The following CTDP1 variants were observed in gnomAD, a reference collection of about 807,000 sequenced individuals.
CTDP1 encodes CTD phosphatase 1, also known as RNA polymerase II subunit A C-terminal domain phosphatase.
CTDP1 carries 47 observed loss-of-function variants against 91.8 expected under a neutral mutation model. The ratio of observed to expected loss-of-function variants is 0.51; its 90% CI spans 0.41 to 0.65. The LOEUF (loss-of-function observed/expected upper bound fraction) is 0.65. Among genes scored for constraint, CTDP1 ranks in the 30% least tolerant of loss-of-function variants. The pLI is 0.00. For missense variants in CTDP1, 1,272 were observed against 1,373.7 expected (o/e 0.93, Z 1.17); for synonymous variants, 656 against 598.5 (o/e 1.10, Z -1.40).
At chr18:79,733,200 A>T (rs975830960) in intron 11 of CTDP1, among the ~76,000 whole-genome samples, 13 of 150,100 alleles carry the variant, frequency 8.7e-5, no homozygotes, top group African/African-American at 3.2e-4. Flanking sequence ...TCGTGTGTGG[A>T]TCCTCACGCT....
At chr18:79,692,233 G>A (rs1293056540) in intron 1 of CTDP1, among the ~76,000 whole-genome samples, 1 of 152,058 alleles carries the variant, frequency 6.6e-6, no homozygotes, top group African/African-American at 2.4e-5. Context: ...GCGTTTGTCA[G>A]CCGTTGATCC....
chr18:79,733,125 A>G (rs552560633), intron 11 of CTDP1, among the ~76,000 whole-genome samples: 2 of 152,280 alleles, frequency 1.3e-5, no homozygotes, highest in East Asian at 3.9e-4. Context: ...TCAGCACAGG[A>G]CGAATGTGTG....
chr18:79,745,003 C>T (rs1665922995), intron 12 of CTDP1, among the ~76,000 whole-genome samples: 1 of 152,190 alleles, frequency 6.6e-6, no homozygotes, highest in South Asian at 2.1e-4. Flanking sequence ...GCCCCATGTC[C>T]ATGGCCAGCT....
intron 10 of CTDP1, among the ~76,000 whole-genome samples, chr18:79,719,470 G>A (rs2086289487): frequency 6.6e-6 from 1 of 152,182 alleles, no homozygotes; most frequent in Non-Finnish European, 1.5e-5. Flanking sequence ...CCCAGCCACA[G>A]AGATGATGTC....
At chr18:79,728,718 G>A (rs542820291) in intron 10 of CTDP1, among the ~76,000 whole-genome samples, 189 bp from the exon 11 acceptor site, 1 of 152,348 alleles carries the variant, frequency 6.6e-6, no homozygotes, top group Admixed American at 6.5e-5. Flanking sequence ...AGTCACCCTG[G>A]CTCAGTTAGC....
chr18:79,688,733 C>T (rs551202654), intron 1 of CTDP1, among the ~76,000 whole-genome samples: 7 of 149,378 alleles, frequency 4.7e-5, no homozygotes, highest in Admixed American at 3.3e-4. Flanking sequence ...TTAGTAGAGA[C>T]GATTTCACCA....
At chr18:79,681,985 G>C (rs567369173) in intron 1 of CTDP1, among the ~76,000 whole-genome samples, 2 of 152,176 alleles carry the variant, frequency 1.3e-5, no homozygotes, top group Non-Finnish European at 2.9e-5. Context: ...GTTCCTGCCC[G>C]TGCAGTGGGC....
intron 8 of CTDP1, among the ~76,000 whole-genome samples, chr18:79,715,819 C>T (rs938771669): frequency 4.6e-5 from 7 of 152,174 alleles, no homozygotes; most frequent in Non-Finnish European, 7.3e-5. Context: ...AACAGGGAAT[C>T]AGCGATAGGG....
At chr18:79,676,984 G>A (rs947913476), upstream of CTDP1, among the ~76,000 whole-genome samples, 1 of 152,220 alleles carries the variant, frequency 6.6e-6, no homozygotes, top group African/African-American at 2.4e-5. Context: ...ATCACCTAGG[G>A]ATGTCTACAT....
intron 1 of CTDP1, among the ~76,000 whole-genome samples, chr18:79,694,272 GGGGT>G (rs1300391243): frequency 7.7e-5 from 11 of 142,394 alleles, no homozygotes; most frequent in Non-Finnish European, 1.5e-4. Context: ...CAGGCACCTA[GGGGT>G]GGGCGCTGAG....
At position 79,719,357 on chromosome 18, in the gene CTDP1, G is replaced by A. The variant is rs554134961; in HGVS notation, c.2417+1341G>A. On this transcript the variant is annotated intron_variant, in intron 10 of 12. Coordinates refer to ENST00000613122, the MANE Select transcript of CTDP1 (RefSeq NM_004715.5). ...TGGCTGCGGGCAGCTGGGCCGGTGC[G>A]GGTGGCTTCCCGTGCGGCAGCCTGG... 4.6e-5 allele frequency among the ~76,000 whole-genome samples: 7 copies of A among 152,194 alleles called. No individual in the cohort carries two copies. In the South Asian group the frequency reaches 8.3e-4, roughly 18 times the overall value.
Position 79,754,192 on chromosome 18 carries a change from C to A in CTDP1, c.*402C>A. The A allele has an allele frequency of 3.3e-6, 1 of 299,266 alleles. No homozygotes were observed. 18.5% of individuals were successfully genotyped at this position (299,266 alleles called of 1,614,324 possible). ...GAGTTTAAGCAGGACAGTGTGCGTG[C>A]ACGAGCTCCGAGCCCAGCACAGACA... On this transcript the variant is annotated 3_prime_UTR_variant, in exon 13 of 13. Coordinates refer to ENST00000613122, the MANE Select transcript of CTDP1 (RefSeq NM_004715.5).
At chr18:79,699,041 G>A (rs1171465218) in intron 4 of CTDP1, among the ~76,000 whole-genome samples, 1 of 152,162 alleles carries the variant, frequency 6.6e-6, no homozygotes, top group Non-Finnish European at 1.5e-5. Context: ...TATGCTGTTT[G>A]CAGAATGGAG....
chr18:79,699,604 T>C (rs1284518844), intron 4 of CTDP1, among the ~76,000 whole-genome samples: 1 of 152,040 alleles, frequency 6.6e-6, no homozygotes, highest in Non-Finnish European at 1.5e-5. Context: ...AAACTAGGTA[T>C]TTTGAAGGAT....
chr18:79,730,411 G>A (rs1177793999), intron 11 of CTDP1, among the ~76,000 whole-genome samples: 2 of 152,090 alleles, frequency 1.3e-5, no homozygotes, highest in Non-Finnish European at 2.9e-5. Flanking sequence ...TGGAGGACTC[G>A]GGGTCTGTTC....
chr18:79,730,676 T>G (rs2086547563), intron 11 of CTDP1, among the ~76,000 whole-genome samples: 2 of 152,230 alleles, frequency 1.3e-5, no homozygotes, highest in Admixed American at 1.3e-4. Context: ...GTTCGTGAAT[T>G]TTTAAAGCCT....
chr18:79,714,206 CATT>C (rs2086144976), intron 7 of CTDP1, among the ~76,000 whole-genome samples: 1 of 152,180 alleles, frequency 6.6e-6, no homozygotes, highest in Non-Finnish European at 1.5e-5. Context: ...AGGAAATACT[CATT>C]AGGGTATTTT....
At chr18:79,743,456 G>A (rs2086818882) in intron 12 of CTDP1, among the ~76,000 whole-genome samples, 2 of 151,098 alleles carry the variant, frequency 1.3e-5, no homozygotes, top group South Asian at 2.1e-4. Flanking sequence ...AACCCAGGAG[G>A]TGGAGGTTGC....
At chr18:79,726,712 G>T (rs1190698861) in intron 10 of CTDP1, among the ~76,000 whole-genome samples, 2 of 151,084 alleles carry the variant, frequency 1.3e-5, no homozygotes, top group Non-Finnish European at 2.9e-5. Context: ...GCCTGAGAGT[G>T]GGGGATGGAG....
Sources: gnomAD v4.1 joint callset for allele counts (sites outside exome capture counted in the v4.1 genomes callset) on GRCh38, gnomAD v4.1.1 for gene constraint, MANE v1.5 for transcripts, NCBI Gene and HGNC (gene_info 2026-07-23, HGNC 2026-07-21) for gene names.